SBNO2: variants seen among roughly 807,000 people sequenced by gnomAD.
The protein encoded by SBNO2 is protein strawberry notch homolog 2.
In SBNO2, 89 loss-of-function variants were observed where a neutral mutation model predicts 146.3. The ratio of observed to expected loss-of-function variants is 0.61; its 90% CI spans 0.51 to 0.73. The LOEUF is 0.73. Among genes scored for constraint, SBNO2 ranks in the 30% least tolerant of loss-of-function variants. SBNO2 has a pLI of 0.00. For synonymous variants in SBNO2, 1,147 were observed against 892.6 expected (o/e 1.29, Z -5.08); for missense variants, 2,092 against 2,003.7 (o/e 1.04, Z -0.84).
chr19:1,129,003 A>G (rs1171601222), intron 4 of SBNO2, among the ~76,000 whole-genome samples: 2 of 149,690 alleles, frequency 1.3e-5, no homozygotes, highest in African/African-American at 4.9e-5. Context: ...ATGGTAGCTC[A>G]CGCCTGTAAC....
Position 1,110,682 on chromosome 19 carries a change from A to G in SBNO2, c.3028+63T>C, listed in dbSNP as rs529430925. 1.3e-6 allele frequency: 2 copies of G among 1,521,244 alleles called. No homozygotes were observed. The highest frequency in any genetic ancestry group is 2.8e-5 in the African/African-American group (2 of 71,362). The allele number at this position is 1,521,244 out of a possible 1,614,324, so 94.2% of individuals were successfully genotyped here. ...CGAGCCCCGAGCCCACCCAGGATGC[A>G]TGGCGTTCCCACGAGCCCCGCACCC... is the stretch of plus-strand genomic sequence containing the variant. On this transcript the variant is annotated intron_variant, in intron 26 of 31. Transcript: ENST00000361757. The surrounding 1 kb of genome is among the most constrained non-coding windows in gnomAD (Gnocchi z 4.9).
At chr19:1,120,164 CG>C in intron 11 of SBNO2, 141 bp from the exon 12 acceptor site, 1 of 623,046 alleles carries the variant, frequency 1.6e-6, no homozygotes. Flanking sequence ...AAGCCCAGGT[CG>C]GAGTGGCAGC....
intron 4 of SBNO2, among the ~76,000 whole-genome samples, chr19:1,141,670 G>A (rs950931199): frequency 2.6e-4 from 39 of 152,084 alleles, no homozygotes; most frequent in African/African-American, 8.7e-4. Flanking sequence ...ACGGACACAC[G>A]GACAAACACA....
In SBNO2 at chr19:1,112,309, C is replaced by T. The variant is rs986857074; in HGVS notation, c.2516-8G>A. ...TGGACCGGTGGGTGCGGCCTGGGGG[C>T]AGAGCTGCTCTCAGGGCCCGGCCAG... On this transcript the variant is annotated splice_region_variant and splice_polypyrimidine_tract_variant and intron_variant, in intron 21 of 31. Coordinates refer to ENST00000361757, the MANE Select transcript of SBNO2 (RefSeq NM_014963.3). This position sits in a 1 kb window ranked among gnomAD's most constrained non-coding sequence, Gnocchi z 5.9. 3 of 1,579,174 alleles carry T rather than the reference C, an allele frequency of 1.9e-6. No homozygotes were observed. Among genetic ancestry groups the T allele is most frequent in the East Asian group, 2.3e-5 (1 of 43,252 alleles).
At chr19:1,115,949 G>A (rs887500692) in intron 17 of SBNO2, 72 bp downstream of exon 17, 1 of 1,114,594 alleles carries the variant, frequency 9.0e-7, no homozygotes, top group South Asian at 1.3e-5. Context: ...GAAGCAGGGA[G>A]CGACCAGCCA....
rs1353427648 is a variant in SBNO2 at position 1,140,606 on chromosome 19, G to A, written c.279+6703C>T. Among the ~76,000 whole-genome samples, 1 of 152,184 alleles carries A rather than the reference G, an allele frequency of 6.6e-6. No individual in the cohort carries two copies. Among genetic ancestry groups the A allele is most frequent in the African/African-American group, 2.4e-5 (1 of 41,446 alleles). ...GGCGCAGCGTGAGCCCCAGGGGTGG[G>A]GGTGGGGGTGGCCAGGGAGCAGGCA... On this transcript the variant is annotated intron_variant, in intron 4 of 31. Transcript: ENST00000361757. This position sits in a 1 kb window ranked among gnomAD's most constrained non-coding sequence, Gnocchi z 4.4.
In SBNO2 at chr19:1,119,855, G is replaced by A. The variant is rs547809429; in HGVS notation, c.1267+51C>T. 13 of 1,389,998 alleles carry A rather than the reference G, an allele frequency of 9.4e-6. No individual in the cohort carries two copies. In the South Asian group the frequency reaches 1.6e-4, roughly 17 times the overall value. The allele number at this position is 1,389,998 out of a possible 1,614,324, so 86.1% of individuals were successfully genotyped here. A position where few individuals can be genotyped will look rare whatever the true frequency, so the allele number is the denominator to read the frequency against. On this transcript the variant is annotated intron_variant, in intron 12 of 31. Coordinates refer to ENST00000361757, the MANE Select transcript of SBNO2 (RefSeq NM_014963.3). Reference sequence around the variant, plus strand: ...GGATACCCCTTCGCGGGGACAGCCAGGCAGAAAGACGCTGCTGCGGGTGGG... The same window carrying A: ...GGATACCCCTTCGCGGGGACAGCCAAGCAGAAAGACGCTGCTGCGGGTGGG...
In SBNO2 at chr19:1,109,653, G is replaced by C. The variant is rs781382433; in HGVS notation, c.3123+30C>G. The C allele has an allele frequency of 1.6e-5, 25 of 1,603,242 alleles. No individual in the cohort carries two copies. The highest frequency in any genetic ancestry group is 2.1e-5 in the Non-Finnish European group (25 of 1,175,170). ...GTGTGGTGGGGGCGGGGTGGGCAGAGTGTGAGGGGCTGTGGGGCTTCCTGC... is the reference window on the plus strand; with the variant it reads ...GTGTGGTGGGGGCGGGGTGGGCAGACTGTGAGGGGCTGTGGGGCTTCCTGC... On this transcript the variant is annotated intron_variant, in intron 27 of 31. Transcript: ENST00000361757. The surrounding 1 kb of genome is among the most constrained non-coding windows in gnomAD (Gnocchi z 4.2).
intron 16 of SBNO2, 36 bp from the exon 17 acceptor site, chr19:1,116,139 G>T (rs373992538): frequency 3.2e-6 from 5 of 1,578,678 alleles, no homozygotes; most frequent in Non-Finnish European, 3.4e-6. Context: ...CTCACACGAG[G>T]AGCTGAGGCC....
Position 1,150,819 on chromosome 19 carries a change from G to A in SBNO2, c.94-1377C>T, listed in dbSNP as rs1280247185. Among the ~76,000 whole-genome samples the A allele has an allele frequency of 6.6e-6, 1 of 152,202 alleles. No homozygotes were observed. Among genetic ancestry groups the A allele is most frequent in the Non-Finnish European group, 1.5e-5 (1 of 68,036 alleles). On this transcript the variant is annotated intron_variant, in intron 2 of 31. Transcript: ENST00000361757. This position sits in a 1 kb window ranked among gnomAD's most constrained non-coding sequence, Gnocchi z 6.2. ...CCCGGATGGCCGGGGGCCACTTTCT[G>A]TACCCGCAGGTGCTGGGTGGGGGAT... is the stretch of plus-strand genomic sequence containing the variant.
At chr19:1,143,428 C>T (rs541882124) in intron 4 of SBNO2, among the ~76,000 whole-genome samples, 1 of 152,182 alleles carries the variant, frequency 6.6e-6, no homozygotes, top group East Asian at 1.9e-4. Flanking sequence ...GCCGAGATTG[C>T]ACCGCTGCAC....
chr19:1,173,257 G>A lies in SBNO2; in HGVS notation c.-127+915C>T, dbSNP rs1309966935. Reference sequence around the variant, plus strand: ...AGGAGGCCTGCGCTTCCCCTTCACCGACACACGCTGCTCCCGGGCCCCACT... The same window carrying A: ...AGGAGGCCTGCGCTTCCCCTTCACCAACACACGCTGCTCCCGGGCCCCACT... On this transcript the variant is annotated intron_variant, in intron 1 of 31. Transcript: ENST00000361757. This position sits in a 1 kb window ranked among gnomAD's most constrained non-coding sequence, Gnocchi z 4.7. 6.6e-6 allele frequency among the ~76,000 whole-genome samples: 1 copy of A among 152,056 alleles called. No individual in the cohort carries two copies. Among genetic ancestry groups the A allele is most frequent in the Non-Finnish European group, 1.5e-5 (1 of 68,022 alleles).
At chr19:1,135,323 C>G (rs1354010176) in intron 4 of SBNO2, among the ~76,000 whole-genome samples, 1 of 152,138 alleles carries the variant, frequency 6.6e-6, no homozygotes, top group Non-Finnish European at 1.5e-5. Flanking sequence ...GATCACACCA[C>G]TGCACTCCAG....
At chr19:1,166,317 A>G (rs368237510) in intron 1 of SBNO2, among the ~76,000 whole-genome samples, 1 of 152,306 alleles carries the variant, frequency 6.6e-6, no homozygotes, top group East Asian at 1.9e-4. Flanking sequence ...ATGCGGAAAC[A>G]GCCTCCAGGC....
In SBNO2 at chr19:1,150,863, C is replaced by T. The variant is rs1355770590; in HGVS notation, c.94-1421G>A. On this transcript the variant is annotated intron_variant, in intron 2 of 31. Transcript: ENST00000361757. This position sits in a 1 kb window ranked among gnomAD's most constrained non-coding sequence, Gnocchi z 6.2. ...GGGGGATTCCAGGACCCCCGACAGC[C>T]TCGAGATAGGCAAAGCCCTCGGGGT... 6.6e-6 allele frequency among the ~76,000 whole-genome samples: 1 copy of T among 152,204 alleles called. No homozygotes were observed. The highest frequency in any genetic ancestry group is 1.5e-5 in the Non-Finnish European group (1 of 68,022).
chr19:1,122,901 G>T lies in SBNO2; in HGVS notation c.773C>A (p.Ala258Asp). ...TTGGGGACATGCGGTCACCTGGCAG[G>T]CGTAGGTGATGGCCTCTAGCTGCAG... ...SALQLEAITYACQQHEVLLPS... is the reference protein window; with the variant it reads ...SALQLEAITYDCQQHEVLLPS... The change falls in exon 8 of 32, where the codon GCC (alanine) becomes GAC (aspartate). Residue 258 changes from alanine to aspartate, a missense_variant. By Grantham distance (126) the Ala-to-Asp change is moderately radical (BLOSUM62 -2). Transcript: ENST00000361757. The T allele has an allele frequency of 6.5e-7, 1 of 1,548,886 alleles. No individual in the cohort carries two copies.
At chr19:1,165,380 T>C (rs1442700786) in intron 1 of SBNO2, among the ~76,000 whole-genome samples, 3 of 152,128 alleles carry the variant, frequency 2.0e-5, no homozygotes, top group Non-Finnish European at 4.4e-5. Flanking sequence ...GTGGCTGAGA[T>C]GCGAGCAGGG....
rs2145267611 is a variant in SBNO2 at position 1,136,375 on chromosome 19, G to T, written c.280-8610C>A. Among the ~76,000 whole-genome samples, 1 of 152,342 alleles carries T rather than the reference G, an allele frequency of 6.6e-6. No individual in the cohort carries two copies. The highest frequency in any genetic ancestry group is 1.5e-5 in the Non-Finnish European group (1 of 68,026). On this transcript the variant is annotated intron_variant, in intron 4 of 31. Transcript: ENST00000361757. This position sits in a 1 kb window ranked among gnomAD's most constrained non-coding sequence, Gnocchi z 4.2. ...CCAGGTGCCTGGTATGGGCCCTGGG[G>T]CCGCCGCCTCAGTGTCTTCTGGTGC...
At chr19:1,170,424 G>A (rs1032427587) in intron 1 of SBNO2, among the ~76,000 whole-genome samples, 1 of 152,114 alleles carries the variant, frequency 6.6e-6, no homozygotes, top group Non-Finnish European at 1.5e-5. Context: ...GAGGGGCAAG[G>A]CTGAGAGTCC....
Sources: gnomAD v4.1 joint callset for allele counts (sites outside exome capture counted in the v4.1 genomes callset) on GRCh38, gnomAD v4.1.1 for gene constraint, Gnocchi (gnomAD v3.1) non-coding constraint, MANE v1.5 for transcripts, NCBI Gene and HGNC (gene_info 2026-07-23, HGNC 2026-07-21) for gene names.